Variants in MIA2 observed in about 807,000 individuals in gnomAD.
The protein encoded by MIA2 is melanoma inhibitory activity protein 2.
MIA2 carries 127 observed loss-of-function variants against 167.8 expected under a neutral mutation model. That is an observed-to-expected ratio of 0.76 (90% CI 0.66 to 0.88). The LOEUF is 0.88. MIA2 is among the 40% of genes least tolerant of loss of function. The probability of loss-of-function intolerance (pLI) is 0.00; values close to 1 mark genes in which losing one functional copy is unlikely to be tolerated. For missense variants in MIA2, 1,690 were observed against 1,624.7 expected (o/e 1.04, Z -0.69); for synonymous variants, 552 against 541.9 (o/e 1.02, Z -0.26).
chr14:39,298,986 G>C (rs2061943006), intron 13 of MIA2, among the ~76,000 whole-genome samples: 1 of 147,678 alleles, frequency 6.8e-6, no homozygotes, highest in African/African-American at 2.5e-5. Context: ...TGCTTGGGAG[G>C]GTGAGGTGAG....
intron 13 of MIA2, among the ~76,000 whole-genome samples, chr14:39,297,986 T>C (rs1475307274): frequency 1.3e-5 from 2 of 152,124 alleles, no homozygotes; most frequent in African/African-American, 4.8e-5. Context: ...TTTCTTTCCA[T>C]TTTCTACTTC....
At chr14:39,379,927 C>A (rs2075120086) in intron 23 of MIA2, among the ~76,000 whole-genome samples, 1 of 150,058 alleles carries the variant, frequency 6.7e-6, no homozygotes, top group South Asian at 2.1e-4. Context: ...AAACAAAAAA[C>A]AACAACAACA....
chr14:39,322,414 G>A (rs939005767), intron 24 of MIA2, among the ~76,000 whole-genome samples: 5 of 152,072 alleles, frequency 3.3e-5, no homozygotes, highest in Non-Finnish European at 4.4e-5. Flanking sequence ...GGTGGTGGGC[G>A]CCTGTAGTCC....
chr14:39,340,724 C>A (rs1295437973), intron 25 of MIA2, among the ~76,000 whole-genome samples: 1 of 152,028 alleles, frequency 6.6e-6, no homozygotes, highest in East Asian at 1.9e-4. Flanking sequence ...TAAAGTTGTT[C>A]CTAAATTTTA....
At chr14:39,375,035 A>G (rs1315815835) in intron 23 of MIA2, among the ~76,000 whole-genome samples, 2 of 152,208 alleles carry the variant, frequency 1.3e-5, no homozygotes, top group Non-Finnish European at 2.9e-5. Context: ...AAAGAAAACC[A>G]GGGATTAGAC....
intron 9 of MIA2, among the ~76,000 whole-genome samples, chr14:39,289,453 T>C (rs1412249324): frequency 6.6e-6 from 1 of 152,134 alleles, no homozygotes; most frequent in South Asian, 2.1e-4. Context: ...GACCTCATGA[T>C]CCCTGTGATC....
intron 25 of MIA2, among the ~76,000 whole-genome samples, chr14:39,343,205 C>T (rs548094995): frequency 7.3e-4 from 111 of 152,224 alleles, no homozygotes; most frequent in Non-Finnish European, 1.3e-3. Flanking sequence ...GGTGCAGTGG[C>T]GTGATCTTGG....
At chr14:39,284,957 C>A (rs1338793163) in intron 9 of MIA2, among the ~76,000 whole-genome samples, 1 of 152,022 alleles carries the variant, frequency 6.6e-6, no homozygotes, top group East Asian at 1.9e-4. Flanking sequence ...TGACTCTTAA[C>A]GAGCATGCTG....
intron 2 of MIA2, 27 bp downstream of exon 2, chr14:39,237,082 T>C (rs756271840): frequency 1.2e-6 from 2 of 1,607,986 alleles, no homozygotes; most frequent in South Asian, 1.1e-5. Flanking sequence ...AAAAATTGAA[T>C]GCAGAATAAA....
At chr14:39,347,374 AAGG>A (rs894097375) in intron 26 of MIA2, among the ~76,000 whole-genome samples, 18 of 152,092 alleles carry the variant, frequency 1.2e-4, no homozygotes, top group African/African-American at 4.1e-4. Context: ...GAAGAGGAGG[AAGG>A]AGAAGAGGAT....
At chr14:39,338,939 TAATGTCACTA>T (rs1026604226) in intron 25 of MIA2, among the ~76,000 whole-genome samples, 7 of 152,202 alleles carry the variant, frequency 4.6e-5, no homozygotes, top group African/African-American at 1.7e-4. Flanking sequence ...ATTAAGTAGA[TAATGTCACTA>T]TCCTGTAGAT....
chr14:39,384,552 C>T (rs1314425322), intron 23 of MIA2, among the ~76,000 whole-genome samples: 1 of 152,036 alleles, frequency 6.6e-6, no homozygotes, highest in Non-Finnish European at 1.5e-5. Context: ...ACGTGTACAG[C>T]TGAAGGAGGG....
intron 25 of MIA2, among the ~76,000 whole-genome samples, chr14:39,327,920 C>T (rs938901932): frequency 6.6e-6 from 1 of 152,126 alleles, no homozygotes; most frequent in African/African-American, 2.4e-5. Flanking sequence ...AACAGTGCCG[C>T]AATAAATATA....
Position 39,237,060 on chromosome 14 carries a change from G to C in MIA2, c.249+5G>C. 4 of 1,609,732 alleles carry C rather than the reference G, an allele frequency of 2.5e-6. No homozygotes were observed. The highest frequency in any genetic ancestry group is 3.4e-6 in the Non-Finnish European group (4 of 1,179,022). On this transcript the variant is annotated splice_donor_5th_base_variant and intron_variant, in intron 2 of 28. Transcript: ENST00000640607. ...GAAGATTTGTGGGCAGGAAGTGTAA[G>C]TAACTACTTTTAAAAATTGAATGCA...
intron 24 of MIA2, among the ~76,000 whole-genome samples, chr14:39,324,827 G>A (rs1051255451): frequency 6.6e-6 from 1 of 152,100 alleles, no homozygotes; most frequent in African/African-American, 2.4e-5. Flanking sequence ...GGCTGGTTTC[G>A]AACTCCTCAC....
intron 23 of MIA2, among the ~76,000 whole-genome samples, chr14:39,374,187 G>A (rs997086896): frequency 1.3e-5 from 2 of 152,196 alleles, no homozygotes; most frequent in Non-Finnish European, 2.9e-5. Flanking sequence ...CAAAGAAATG[G>A]TAGCTGAGAA....
In MIA2 at chr14:39,347,620, G is replaced by A. The variant is rs951398043; in HGVS notation, c.3779-93G>A. On this transcript the variant is annotated intron_variant, in intron 26 of 28. Transcript: ENST00000640607. ...TCCAGCTGGCTTATGTGCCAACAAGGGGAGTGGGAAAATACCAATTTTGTG... is the reference window on the plus strand; with the variant it reads ...TCCAGCTGGCTTATGTGCCAACAAGAGGAGTGGGAAAATACCAATTTTGTG... 20 of 1,279,564 alleles carry A rather than the reference G, an allele frequency of 1.6e-5. No individual in the cohort carries two copies. In the Admixed American group the frequency reaches 3.3e-4, roughly 21 times the overall value. 79.3% of individuals were successfully genotyped at this position (1,279,564 alleles called of 1,614,324 possible).
At chr14:39,269,523 C>CTT (rs34205921) in intron 6 of MIA2, among the ~76,000 whole-genome samples, 2 of 144,706 alleles carry the variant, frequency 1.4e-5, no homozygotes, top group African/African-American at 2.5e-5. Flanking sequence ...TTTTTTCTTT[C>CTT]TTTTTTTTTT....
At chr14:39,322,624 CA>C (rs11300383) in intron 24 of MIA2, among the ~76,000 whole-genome samples, 51,266 of 151,296 alleles carry the variant, frequency 0.34, 10,493 homozygotes, top group Non-Finnish European at 0.46. Context: ...CAGGCCTAAT[CA>C]TTAGCTATTC....
Sources: gnomAD v4.1 joint callset for allele counts (sites outside exome capture counted in the v4.1 genomes callset) on GRCh38, gnomAD v4.1.1 for gene constraint, MANE v1.5 for transcripts, NCBI Gene and HGNC (gene_info 2026-07-23, HGNC 2026-07-21) for gene names.